Variants in HIP1 observed in about 807,000 individuals in gnomAD.
HIP1 encodes huntingtin-interacting protein 1.
Under a neutral mutation model 147.6 loss-of-function variants are expected in HIP1, and 65 were observed. That is an observed-to-expected ratio of 0.44 (90% CI 0.36 to 0.54). The LOEUF is 0.54. HIP1 is among the 20% of genes least tolerant of loss of function. HIP1 has a pLI of 0.00. For missense variants in HIP1, 1,061 were observed against 1,299.6 expected (o/e 0.82, Z 2.82); for synonymous variants, 479 against 504.0 (o/e 0.95, Z 0.67).
intron 1 of HIP1, among the ~76,000 whole-genome samples, chr7:75,697,126 C>T (rs1800665674): frequency 6.6e-6 from 1 of 152,034 alleles, no homozygotes; most frequent in African/African-American, 2.4e-5. Context: ...CCAAATTAGC[C>T]TCGCCTAATT....
intron 24 of HIP1, 98 bp downstream of exon 24, chr7:75,547,657 T>G: frequency 1.0e-6 from 1 of 975,984 alleles, no homozygotes; most frequent in Non-Finnish European, 1.7e-6. Context: ...TGGCTGCTAC[T>G]GCTCTCCTCT....
chr7:75,588,664 C>T (rs1796368641), intron 4 of HIP1, among the ~76,000 whole-genome samples: 1 of 151,960 alleles, frequency 6.6e-6, no homozygotes, highest in Non-Finnish European at 1.5e-5. Flanking sequence ...TTCCCAGCTA[C>T]TTGGAAGGCT....
Position 75,705,914 on chromosome 7 carries a change from C to T in HIP1, c.120+32887G>A, listed in dbSNP as rs1004342941. 3.3e-5 allele frequency among the ~76,000 whole-genome samples: 5 copies of T among 151,990 alleles called. No individual in the cohort carries two copies. The East Asian group carries it at 5.8e-4, about 18-fold the overall frequency. On this transcript the variant is annotated intron_variant, in intron 1 of 30. Coordinates refer to ENST00000336926, the MANE Select transcript of HIP1 (RefSeq NM_005338.7). ...TATTTATTTTATTATTTTTTTGAGA[C>T]GGAATCTTCCTCTGTTGCCTAGGCA...
intron 2 of HIP1, 118 bp downstream of exon 2, chr7:75,599,066 C>G (rs1796872491): frequency 2.7e-6 from 2 of 742,804 alleles, no homozygotes; most frequent in Admixed American, 3.9e-5. Flanking sequence ...CTGCAGGGAC[C>G]TGGCCTGTGC....
At chr7:75,610,477 T>C (rs1554504665) in intron 1 of HIP1, among the ~76,000 whole-genome samples, 1 of 151,474 alleles carries the variant, frequency 6.6e-6, no homozygotes, top group African/African-American at 2.4e-5. Flanking sequence ...CCCAAAGTAC[T>C]GAGATAACAG....
At chr7:75,639,192 C>T (rs1798553938) in intron 1 of HIP1, 2 of 981,154 alleles carry the variant, frequency 2.0e-6, no homozygotes, top group African/African-American at 1.8e-5. Context: ...CCCCGCGGAC[C>T]GGGGCAGGCG....
At chr7:75,725,423 G>A (rs187149678) in intron 1 of HIP1, among the ~76,000 whole-genome samples, 1 of 151,946 alleles carries the variant, frequency 6.6e-6, no homozygotes, top group African/African-American at 2.4e-5. Flanking sequence ...AACCATTACC[G>A]AGGCTAGCAG....
intron 8 of HIP1, among the ~76,000 whole-genome samples, chr7:75,573,526 A>G (rs1554497060): frequency 6.6e-6 from 1 of 152,150 alleles, no homozygotes; most frequent in East Asian, 1.9e-4. Flanking sequence ...GGACACCCCA[A>G]AGATCCTGTA....
chr7:75,640,269 C>T (rs1196166549), intron 1 of HIP1, among the ~76,000 whole-genome samples: 1 of 152,130 alleles, frequency 6.6e-6, no homozygotes, highest in Non-Finnish European at 1.5e-5. Flanking sequence ...CCACTTTATA[C>T]GGAGAGGAAA....
intron 4 of HIP1, 104 bp downstream of exon 4, chr7:75,591,952 C>G (rs1554500852): frequency 2.1e-6 from 2 of 938,016 alleles, no homozygotes; most frequent in East Asian, 2.4e-5. Flanking sequence ...AAATCCTCAA[C>G]AAGCTGAAGG....
chr7:75,598,370 C>G (rs1385748079), intron 2 of HIP1, among the ~76,000 whole-genome samples: 1 of 149,938 alleles, frequency 6.7e-6, no homozygotes. Context: ...GCCCTCCAGC[C>G]TGGGCAACAG....
intron 1 of HIP1, among the ~76,000 whole-genome samples, chr7:75,655,580 C>CA (rs1243670098): frequency 1.6e-3 from 191 of 121,730 alleles, no homozygotes; most frequent in African/African-American, 4.0e-3. Flanking sequence ...AGCTCTGTCT[C>CA]AAAAAAAAAA....
chr7:75,552,118 T>A (rs1258532700), intron 22 of HIP1, among the ~76,000 whole-genome samples: 4 of 152,262 alleles, frequency 2.6e-5, no homozygotes, highest in African/African-American at 9.6e-5. Context: ...CTAGAACTCC[T>A]GACCTCAGGT....
chr7:75,613,550 G>C (rs1797523629), intron 1 of HIP1, among the ~76,000 whole-genome samples: 2 of 152,030 alleles, frequency 1.3e-5, no homozygotes, highest in Admixed American at 1.3e-4. Context: ...ATCCGCCTTT[G>C]GTCCCTAGAG....
chr7:75,579,319 GTCTT>G (rs1795955446), intron 7 of HIP1, among the ~76,000 whole-genome samples: 2 of 151,934 alleles, frequency 1.3e-5, no homozygotes, highest in African/African-American at 4.8e-5. Context: ...TCTGGTGTTG[GTCTT>G]TCTTTTTTCT....
At chr7:75,723,540 C>T (rs549366105) in intron 1 of HIP1, among the ~76,000 whole-genome samples, 2 of 151,446 alleles carry the variant, frequency 1.3e-5, no homozygotes, top group Admixed American at 6.6e-5. Context: ...TGGTGGAATC[C>T]GACATCTTGC....
chr7:75,695,193 G>A (rs1449578177), intron 1 of HIP1, among the ~76,000 whole-genome samples: 3 of 152,232 alleles, frequency 2.0e-5, no homozygotes, highest in South Asian at 2.1e-4. Context: ...GCTCATCAGC[G>A]GGCAAACTCA....
At chr7:75,712,063 G>A (rs887364418) in intron 1 of HIP1, among the ~76,000 whole-genome samples, 1 of 152,192 alleles carries the variant, frequency 6.6e-6, no homozygotes, top group African/African-American at 2.4e-5. Context: ...CCCCAAGCTG[G>A]TGACAGTTGT....
intron 1 of HIP1, among the ~76,000 whole-genome samples, chr7:75,716,100 C>T (rs1268813268): frequency 6.6e-6 from 1 of 152,162 alleles, no homozygotes; most frequent in African/African-American, 2.4e-5. Context: ...CCATATCCAA[C>T]ATCTAGGATC....
Sources: gnomAD v4.1 joint callset for allele counts (sites outside exome capture counted in the v4.1 genomes callset) on GRCh38, gnomAD v4.1.1 for gene constraint, MANE v1.5 for transcripts, NCBI Gene and HGNC (gene_info 2026-07-23, HGNC 2026-07-21) for gene names.